ZC2HC1A: variants seen among roughly 807,000 people sequenced by gnomAD.
ZC2HC1A encodes the protein zinc finger C2HC-type containing 1A.
In ZC2HC1A, 28 loss-of-function variants were observed where a neutral mutation model predicts 40.7. The observed-to-expected ratio is 0.69, with a 90% CI of 0.51 to 0.94. The LOEUF is 0.94. Among genes scored for constraint, ZC2HC1A ranks in the 40% least tolerant of loss-of-function variants. ZC2HC1A has a pLI of 0.00. For missense variants in ZC2HC1A, 389 were observed against 386.3 expected, an observed-to-expected ratio of 1.01 and a Z score of -0.06; for synonymous variants, 129 against 129.2, an observed-to-expected ratio of 1.00 and a Z score of 0.01.
At chr8:78,712,328 A>G (rs1810976838) in intron 7 of ZC2HC1A, among the ~76,000 whole-genome samples, 1 of 152,154 alleles carries the variant, frequency 6.6e-6, no homozygotes, top group Non-Finnish European at 1.5e-5. Context: ...ATTTTATTCC[A>G]TTAAATATTA....
intron 3 of ZC2HC1A, 104 bp from the exon 4 acceptor site, chr8:78,686,363 A>T (rs1809971134): frequency 9.9e-7 from 1 of 1,005,884 alleles, no homozygotes; most frequent in Admixed American, 4.2e-5. Context: ...GACTCCTGAT[A>T]AGAGAACATT....
chr8:78,671,023 A>G (rs1809424798), intron 1 of ZC2HC1A, among the ~76,000 whole-genome samples: 1 of 152,216 alleles, frequency 6.6e-6, no homozygotes, highest in African/African-American at 2.4e-5. Context: ...AAGGAGTCAA[A>G]TGAACGGTGA....
At chr8:78,691,368 T>C (rs1003816560) in intron 5 of ZC2HC1A, among the ~76,000 whole-genome samples, 3 of 152,206 alleles carry the variant, frequency 2.0e-5, no homozygotes, top group African/African-American at 7.2e-5. Context: ...TGTTCCTTTT[T>C]GTCTGTGGCA....
chr8:78,716,742 A>G (rs550512615), intron 8 of ZC2HC1A, among the ~76,000 whole-genome samples: 2 of 152,082 alleles, frequency 1.3e-5, no homozygotes, highest in South Asian at 4.2e-4. Context: ...TCCTGCCCAA[A>G]TCTCATGTCA....
chr8:78,716,266 G>C (rs1391630060), intron 8 of ZC2HC1A, among the ~76,000 whole-genome samples: 3 of 151,400 alleles, frequency 2.0e-5, no homozygotes, highest in African/African-American at 7.3e-5. Context: ...GGGACTACAG[G>C]CGCCCGCCAC....
chr8:78,707,990 A>T (rs1396232477), intron 7 of ZC2HC1A, among the ~76,000 whole-genome samples: 4 of 152,158 alleles, frequency 2.6e-5, no homozygotes, highest in African/African-American at 9.7e-5. Flanking sequence ...GGCTAACAAA[A>T]AATTTTTGGT....
chr8:78,680,758 T>A (rs977371010), intron 3 of ZC2HC1A, among the ~76,000 whole-genome samples: 1 of 152,210 alleles, frequency 6.6e-6, no homozygotes, highest in Non-Finnish European at 1.5e-5. Context: ...GGCCTGTGGC[T>A]GGATTCTGGA....
chr8:78,692,350 T>C (rs1810238595), intron 5 of ZC2HC1A, among the ~76,000 whole-genome samples: 1 of 152,132 alleles, frequency 6.6e-6, no homozygotes, highest in Non-Finnish European at 1.5e-5. Context: ...TTCAGTCTTA[T>C]TTATTATTAC....
intron 2 of ZC2HC1A, 50 bp from the exon 3 acceptor site, chr8:78,678,513 T>C: frequency 2.0e-6 from 3 of 1,463,790 alleles, no homozygotes; most frequent in Non-Finnish European, 2.8e-6. Context: ...TCTGTAGTCT[T>C]ACCTTCTGTA....
intron 7 of ZC2HC1A, chr8:78,712,128 T>A: frequency 8.0e-7 from 1 of 1,247,902 alleles, no homozygotes; most frequent in Non-Finnish European, 1.0e-6. Context: ...TAACTCAGTT[T>A]GGTTAATATT....
chr8:78,671,935 A>G (rs1809446472), intron 1 of ZC2HC1A, among the ~76,000 whole-genome samples: 1 of 152,148 alleles, frequency 6.6e-6, no homozygotes, highest in Non-Finnish European at 1.5e-5. Context: ...ATTTTGTTAA[A>G]TTACCGTACG....
At chr8:78,698,046 A>G (rs1382200518) in intron 6 of ZC2HC1A, among the ~76,000 whole-genome samples, 1 of 152,132 alleles carries the variant, frequency 6.6e-6, no homozygotes, top group Non-Finnish European at 1.5e-5. Context: ...TCATCTGTTC[A>G]GAATAGTCAG....
At chr8:78,704,494 A>T (rs1810708603) in intron 7 of ZC2HC1A, among the ~76,000 whole-genome samples, 1 of 151,188 alleles carries the variant, frequency 6.6e-6, no homozygotes, top group African/African-American at 2.4e-5. Context: ...TTTCCTTTGT[A>T]GGTGACCTGG....
rs892883102 is a variant in ZC2HC1A, at chr8:78,718,860, T to C, written c.*1367T>C. The C allele has an allele frequency of 6.6e-5, 10 of 151,676 alleles. No homozygotes were observed. The highest frequency in any genetic ancestry group is 2.2e-4 in the African/African-American group (9 of 41,406). The allele number at this position is 151,676 out of a possible 1,614,324, so 9.4% of individuals were successfully genotyped here. On this transcript the variant is annotated 3_prime_UTR_variant, in exon 9 of 9. Transcript: ENST00000263849. ...TAAAGGTACAAACAAATCTCTTATA[T>C]AATTCCTAGCTTTTTTTTTTGTTTA...
chr8:78,674,563 G>C (rs72661311), intron 1 of ZC2HC1A, among the ~76,000 whole-genome samples: 1 of 152,210 alleles, frequency 6.6e-6, no homozygotes, highest in Non-Finnish European at 1.5e-5. Flanking sequence ...TGTTGGAGAA[G>C]GACAAGTCAG....
chr8:78,687,712 A>T (rs1213444739), intron 4 of ZC2HC1A, among the ~76,000 whole-genome samples: 2 of 78,806 alleles, frequency 2.5e-5, no homozygotes, highest in African/African-American at 4.1e-5. Flanking sequence ...TTATATATAT[A>T]TTTACGTAAT....
chr8:78,706,677 T>G (rs1810784338), intron 7 of ZC2HC1A, among the ~76,000 whole-genome samples: 1 of 152,216 alleles, frequency 6.6e-6, no homozygotes, highest in Non-Finnish European at 1.5e-5. Flanking sequence ...ATGTTTCAGA[T>G]GAAGGTGCTG....
rs540915927 is a variant in ZC2HC1A, at chr8:78,667,454, T to A, written c.16+1290T>A. On this transcript the variant is annotated intron_variant, in intron 1 of 8. Coordinates refer to ENST00000263849, the MANE Select transcript of ZC2HC1A (RefSeq NM_016010.3). ...TGGGATTAAAGCATGGGTTATGGAA[T>A]TCTCATGAGATTATCATATATAATA... Among the ~76,000 whole-genome samples the A allele has an allele frequency of 7.2e-5, 11 of 152,288 alleles. No homozygotes were observed. The South Asian group carries it at 2.3e-3, about 32-fold the overall frequency.
chr8:78,696,121 G>A (rs188433793), intron 5 of ZC2HC1A, among the ~76,000 whole-genome samples: 1,614 of 151,660 alleles, frequency 0.011, 11 homozygotes, highest in Non-Finnish European at 0.016. Flanking sequence ...TGCAAGCTCC[G>A]CCTCCTGGGT....
Sources: gnomAD v4.1 joint callset for allele counts (sites outside exome capture counted in the v4.1 genomes callset) on GRCh38, gnomAD v4.1.1 for gene constraint, MANE v1.5 for transcripts, NCBI Gene and HGNC (gene_info 2026-07-23, HGNC 2026-07-21) for gene names.